STPG2: variants seen among roughly 807,000 people sequenced by gnomAD.
The protein encoded by STPG2 is sperm-tail PG-rich repeat-containing protein 2.
STPG2 carries 56 observed loss-of-function variants against 54.2 expected under a neutral mutation model. The observed-to-expected ratio is 1.03, with a 90% CI of 0.83 to 1.29. STPG2 has a LOEUF of 1.29. STPG2 is among the 50% of genes most tolerant of loss of function. The pLI is 0.00. For synonymous variants in STPG2, 200 were observed against 181.8 expected (o/e 1.10, Z -0.81); for missense variants, 596 against 544.9 (o/e 1.09, Z -0.93).
At chr4:98,014,229 C>T (rs1479372312) in intron 5 of STPG2, among the ~76,000 whole-genome samples, 2 of 152,030 alleles carry the variant, frequency 1.3e-5, no homozygotes, top group African/African-American at 4.8e-5. Context: ...CATTATTTAC[C>T]CATGAGTCAT....
At chr4:97,605,799 T>C (rs1439023594) in intron 10 of STPG2, among the ~76,000 whole-genome samples, 2 of 149,978 alleles carry the variant, frequency 1.3e-5, no homozygotes, top group Non-Finnish European at 3.0e-5. Context: ...TCAATAATAT[T>C]TGCATTAATA....
intron 9 of STPG2, among the ~76,000 whole-genome samples, chr4:97,738,678 T>C (rs1015457631): frequency 2.0e-5 from 3 of 152,112 alleles, no homozygotes; most frequent in Non-Finnish European, 2.9e-5. Flanking sequence ...TAAATATATA[T>C]GCACCCAATA....
chr4:97,507,932 C>A (rs548414093), intron 4 of STPG2, among the ~76,000 whole-genome samples: 1 of 152,080 alleles, frequency 6.6e-6, no homozygotes, highest in South Asian at 2.1e-4. Flanking sequence ...TTGATTAAAT[C>A]ATCAGTCACA....
chr4:97,735,565 A>T (rs1364757421), intron 9 of STPG2, among the ~76,000 whole-genome samples: 1 of 148,858 alleles, frequency 6.7e-6, no homozygotes, highest in Non-Finnish European at 1.5e-5. Flanking sequence ...ACATATACAT[A>T]TTTACATTTA....
chr4:97,608,411 C>T lies in STPG2; in HGVS notation c.1321-49294G>A, dbSNP rs552913618. Among the ~76,000 whole-genome samples the T allele has an allele frequency of 1.1e-4, 16 of 152,014 alleles. No individual in the cohort carries two copies. The South Asian group carries it at 1.9e-3, about 18-fold the overall frequency. On this transcript the variant is annotated intron_variant, in intron 10 of 10. Transcript: ENST00000295268. ...GGCACAGGTATAAGTGAGCTGAGCC[C>T]GTGTGAAGAGAAGGGAGGAATCGCT...
intron 10 of STPG2, among the ~76,000 whole-genome samples, chr4:97,583,369 C>T (rs894125852): frequency 1.3e-5 from 2 of 151,990 alleles, no homozygotes; most frequent in Non-Finnish European, 2.9e-5. Flanking sequence ...AAGTAGAGAA[C>T]TAGTCTCATC....
At chr4:97,873,425 G>C (rs893812930) in intron 8 of STPG2, among the ~76,000 whole-genome samples, 4 of 151,154 alleles carry the variant, frequency 2.6e-5, no homozygotes, top group African/African-American at 4.8e-5. Flanking sequence ...TTTTATTTTA[G>C]TCTGAAAACA....
At chr4:97,794,782 G>GT (rs1727113029) in intron 9 of STPG2, among the ~76,000 whole-genome samples, 1 of 152,134 alleles carries the variant, frequency 6.6e-6, no homozygotes, top group Non-Finnish European at 1.5e-5. Flanking sequence ...CAATAGTGCA[G>GT]TTTTTCCAAA....
At chr4:97,647,709 C>T (rs1163243254) in intron 10 of STPG2, among the ~76,000 whole-genome samples, 2 of 152,100 alleles carry the variant, frequency 1.3e-5, no homozygotes, top group Non-Finnish European at 2.9e-5. Flanking sequence ...CTCATGGGGC[C>T]AAAATGACAC....
rs1046276747 is a variant in STPG2, at chr4:98,019,212, G to A, written c.613-37894C>T. On this transcript the variant is annotated intron_variant, in intron 5 of 10. Coordinates refer to ENST00000295268, the MANE Select transcript of STPG2 (RefSeq NM_174952.3). Reference sequence around the variant, plus strand: ...ATTTTTGTATAAGGTGTAAGGAAGGGATCCAGTTTCAGCTTTCTACATATG... The same window carrying A: ...ATTTTTGTATAAGGTGTAAGGAAGGAATCCAGTTTCAGCTTTCTACATATG... Among the ~76,000 whole-genome samples the A allele has an allele frequency of 1.2e-4, 19 of 152,254 alleles. 1 individual carries two copies. Among genetic ancestry groups the A allele is most frequent in the Non-Finnish European group, 2.2e-4 (15 of 68,016 alleles).
intron 10 of STPG2, among the ~76,000 whole-genome samples, chr4:97,632,724 T>G (rs1335448138): frequency 6.6e-6 from 1 of 152,126 alleles, no homozygotes; most frequent in East Asian, 1.9e-4. Context: ...AGATACAGAA[T>G]GTATTTTCAA....
chr4:97,748,020 TTAA>T (rs1410493082), intron 9 of STPG2, among the ~76,000 whole-genome samples: 2 of 151,460 alleles, frequency 1.3e-5, no homozygotes, highest in Non-Finnish European at 3.0e-5. Flanking sequence ...GTTACACGAA[TTAA>T]GTCCTCCCCA....
intron 5 of STPG2, among the ~76,000 whole-genome samples, chr4:98,069,034 C>T (rs1737920564): frequency 6.6e-6 from 1 of 151,986 alleles, no homozygotes; most frequent in Non-Finnish European, 1.5e-5. Context: ...CACTTTATGC[C>T]ACTGAATTTC....
chr4:97,520,185 G>A (rs1030843618), intron 4 of STPG2, among the ~76,000 whole-genome samples: 4 of 152,000 alleles, frequency 2.6e-5, no homozygotes, highest in African/African-American at 7.2e-5. Flanking sequence ...GTTGGTGGAA[G>A]GGAAATAATT....
intron 9 of STPG2, among the ~76,000 whole-genome samples, chr4:97,816,874 C>T (rs1230035907): frequency 2.0e-5 from 3 of 149,632 alleles, no homozygotes; most frequent in East Asian, 1.9e-4. Flanking sequence ...TTCTCTTTCA[C>T]TCTTTCTTTT....
At chr4:98,114,621 T>C (rs1199328847) in intron 3 of STPG2, among the ~76,000 whole-genome samples, 1 of 152,042 alleles carries the variant, frequency 6.6e-6, no homozygotes, top group Non-Finnish European at 1.5e-5. Flanking sequence ...GAAGCTTTCT[T>C]TAAGTGAATT....
intron 9 of STPG2, among the ~76,000 whole-genome samples, chr4:97,767,938 C>T (rs1290507237): frequency 2.0e-5 from 3 of 152,036 alleles, no homozygotes; most frequent in Admixed American, 2.0e-4. Context: ...GAGGCCAAGG[C>T]GGGCAGATCA....
At chr4:97,905,243 C>G (rs1472951698) in intron 8 of STPG2, among the ~76,000 whole-genome samples, 1 of 152,140 alleles carries the variant, frequency 6.6e-6, no homozygotes, top group African/African-American at 2.4e-5. Context: ...GCCCATCAGA[C>G]TAACAGCGGA....
chr4:97,860,135 T>C lies in STPG2; in HGVS notation c.1045-19203A>G, dbSNP rs141895113. ...TGCTGTCTTGTTAACCATAGCCTTG[T>C]AGTATAATTTAAAGTTCGGTAATGT... On this transcript the variant is annotated intron_variant, in intron 8 of 10. Transcript: ENST00000295268. Among the ~76,000 whole-genome samples, 52 of 152,360 alleles carry C rather than the reference T, an allele frequency of 3.4e-4. No homozygotes were observed. The East Asian group carries it at 9.4e-3, about 28-fold the overall frequency.
Sources: allele counts gnomAD v4.1 joint callset (sites outside exome capture counted in the v4.1 genomes callset), GRCh38; gene constraint gnomAD v4.1.1; transcripts MANE v1.5; gene names NCBI Gene and HGNC (gene_info 2026-07-23, HGNC 2026-07-21).